The following DENND2B variants were observed in gnomAD, a reference collection of about 807,000 sequenced individuals.
DENND2B encodes the protein DENN domain containing 2B.
DENND2B carries 32 observed loss-of-function variants against 116.0 expected under a neutral mutation model. The observed-to-expected ratio is 0.28, with a 90% CI of 0.21 to 0.37. The LOEUF (loss-of-function observed/expected upper bound fraction) is 0.37, where lower values mean the gene tolerates loss of function less well. Ranked by LOEUF, DENND2B falls within the 10% of genes least tolerant of loss-of-function variation. DENND2B has a pLI of 1.00. For missense variants in DENND2B, 1,276 were observed against 1,477.7 expected, an observed-to-expected ratio of 0.86 and a Z score of 2.24; for synonymous variants, 588 against 583.9, an observed-to-expected ratio of 1.01 and a Z score of -0.10.
chr11:8,710,735 A>G, intron 11 of DENND2B, 110 bp downstream of exon 11: 1 of 1,158,924 alleles, frequency 8.6e-7, no homozygotes, highest in South Asian at 1.3e-5. Flanking sequence ...ATTTCATACA[A>G]GCTAAAATTG....
intron 3 of DENND2B, among the ~76,000 whole-genome samples, chr11:8,852,464 T>C (rs2063042049): frequency 6.6e-6 from 1 of 152,152 alleles, no homozygotes; most frequent in South Asian, 2.1e-4. Context: ...AGACTTTGTC[T>C]TTACAAAAAT....
chr11:8,789,694 A>G (rs947955981), intron 1 of DENND2B, among the ~76,000 whole-genome samples: 2 of 152,212 alleles, frequency 1.3e-5, no homozygotes, highest in African/African-American at 4.8e-5. Context: ...CATAATGTGA[A>G]AAGTGAATTC....
rs141454114 is a variant in DENND2B at position 8,847,525 on chromosome 11, A to T, written c.-155-8175T>A. Among the ~76,000 whole-genome samples the T allele has an allele frequency of 1.8e-3, 273 of 152,354 alleles. 6 individuals carry two copies. The highest frequency in any genetic ancestry group is 6.5e-3 in the African/African-American group (269 of 41,570). On this transcript the variant is annotated intron_variant, in intron 3 of 6. Transcript: ENST00000524757. ...AAGAAAGATCAGTAAACAGAGAAGAATGAATATATAGGAAAAGGGTATAAG... is the reference window on the plus strand; with the variant it reads ...AAGAAAGATCAGTAAACAGAGAAGATTGAATATATAGGAAAAGGGTATAAG...
At chr11:8,791,521 A>G (rs898879235) in intron 1 of DENND2B, among the ~76,000 whole-genome samples, 4 of 151,984 alleles carry the variant, frequency 2.6e-5, no homozygotes, top group African/African-American at 9.7e-5. Flanking sequence ...AATCCCAGCA[A>G]TTTGGGAGGC....
At chr11:8,881,947 C>A (rs747935559) in intron 1 of DENND2B, among the ~76,000 whole-genome samples, 1 of 152,146 alleles carries the variant, frequency 6.6e-6, no homozygotes. Context: ...TATGACCACT[C>A]TTTTTCACTG....
intron 4 of DENND2B, among the ~76,000 whole-genome samples, chr11:8,833,635 C>A (rs530490585): frequency 5.3e-5 from 8 of 152,160 alleles, no homozygotes; most frequent in Admixed American, 4.6e-4. Flanking sequence ...ACAGGAGGCA[C>A]AGAGTTAAAT....
chr11:8,735,483 T>C (rs1261128460), intron 2 of DENND2B, among the ~76,000 whole-genome samples: 1 of 152,220 alleles, frequency 6.6e-6, no homozygotes, highest in Non-Finnish European at 1.5e-5. Flanking sequence ...TGGGGTGATT[T>C]GCTCCACGGC....
intron 1 of DENND2B, among the ~76,000 whole-genome samples, chr11:8,789,739 C>T (rs931188132): frequency 1.4e-5 from 2 of 146,090 alleles, no homozygotes; most frequent in Non-Finnish European, 3.0e-5. Flanking sequence ...AAACTGAACT[C>T]CCAGCCTGGG....
intron 2 of DENND2B, among the ~76,000 whole-genome samples, chr11:8,858,861 G>A (rs2063288522): frequency 6.6e-6 from 1 of 152,124 alleles, no homozygotes; most frequent in African/African-American, 2.4e-5. Context: ...TTTAAGCAAG[G>A]ATAATAAAAA....
At chr11:8,762,553 A>G (rs2054862694) in intron 1 of DENND2B, among the ~76,000 whole-genome samples, 1 of 152,196 alleles carries the variant, frequency 6.6e-6, no homozygotes, top group African/African-American at 2.4e-5. Flanking sequence ...GAACTCAACT[A>G]AAATTGCTCT....
At chr11:8,747,624 C>T (rs1288622197) in intron 2 of DENND2B, among the ~76,000 whole-genome samples, 1 of 152,180 alleles carries the variant, frequency 6.6e-6, no homozygotes, top group Admixed American at 6.5e-5. Flanking sequence ...GCAGCCATAT[C>T]TTGTGAGCTG....
intron 1 of DENND2B, among the ~76,000 whole-genome samples, chr11:8,907,338 G>A (rs767953927): frequency 1.3e-5 from 2 of 152,036 alleles, no homozygotes; most frequent in Admixed American, 6.5e-5. Context: ...TTCATTTGGC[G>A]TGGGCTATAT....
chr11:8,763,639 G>A (rs541179205), intron 1 of DENND2B, among the ~76,000 whole-genome samples: 16 of 149,570 alleles, frequency 1.1e-4, no homozygotes, highest in African/African-American at 3.9e-4. Context: ...ATACATACTA[G>A]ATGAGCCTAT....
At chr11:8,708,998 G>T (rs897343291) in intron 11 of DENND2B, among the ~76,000 whole-genome samples, 2 of 151,482 alleles carry the variant, frequency 1.3e-5, no homozygotes, top group African/African-American at 4.9e-5. Context: ...GACATGCACT[G>T]AGAGCTCCCA....
chr11:8,848,414 C>G (rs919057749), intron 3 of DENND2B, among the ~76,000 whole-genome samples: 3 of 151,842 alleles, frequency 2.0e-5, no homozygotes, highest in Non-Finnish European at 4.4e-5. Flanking sequence ...GAGCAATTGT[C>G]AAAAACACAT....
At chr11:8,891,981 A>G (rs956821437) in intron 1 of DENND2B, among the ~76,000 whole-genome samples, 1 of 152,208 alleles carries the variant, frequency 6.6e-6, no homozygotes, top group Non-Finnish European at 1.5e-5. Context: ...AATTGACCAC[A>G]TAGTTGGAAG....
intron 2 of DENND2B, among the ~76,000 whole-genome samples, chr11:8,740,299 T>G (rs1472111813): frequency 3.3e-5 from 5 of 152,028 alleles, no homozygotes; most frequent in Admixed American, 6.5e-5. Context: ...AAATATTCCC[T>G]CTGGCACTGT....
At position 8,841,528 on chromosome 11, in the gene DENND2B, T is replaced by C. The variant is rs992550218; in HGVS notation, c.-155-2178A>G. 3.9e-5 allele frequency among the ~76,000 whole-genome samples: 6 copies of C among 152,154 alleles called. No homozygotes were observed. The East Asian group carries it at 7.7e-4, about 20-fold the overall frequency. ...ATCCAGGCATGGTGGCACACACCTG[T>C]ATTCCCAGCTACTCAGGAGGCTGAG... On this transcript the variant is annotated intron_variant, in intron 3 of 6. Transcript: ENST00000524757.
At chr11:8,805,399 CAA>C (rs2134449515) in intron 1 of DENND2B, among the ~76,000 whole-genome samples, 1 of 152,278 alleles carries the variant, frequency 6.6e-6, no homozygotes, top group African/African-American at 2.4e-5. Context: ...ACAAGCACAC[CAA>C]AAGTCAGTTC....
Sources: gnomAD v4.1 joint callset for allele counts (sites outside exome capture counted in the v4.1 genomes callset) on GRCh38, gnomAD v4.1.1 for gene constraint, MANE v1.5 for transcripts, NCBI Gene and HGNC (gene_info 2026-07-23, HGNC 2026-07-21) for gene names.